The following MGAT4C variants were observed in gnomAD, a reference collection of about 807,000 sequenced individuals.
The protein encoded by MGAT4C is MGAT4 family member C.
A neutral mutation model predicts 40.1 loss-of-function variants in MGAT4C; 19 were observed. The observed-to-expected ratio is 0.47, with a 90% CI of 0.33 to 0.70. The LOEUF (loss-of-function observed/expected upper bound fraction) is 0.70, where lower values mean the gene tolerates loss of function less well. Among genes scored for constraint, MGAT4C ranks in the 30% least tolerant of loss-of-function variants. The probability of loss-of-function intolerance (pLI) is 0.02; values close to 1 mark genes in which losing one functional copy is unlikely to be tolerated. For missense variants in MGAT4C, 491 were observed against 563.2 expected, an observed-to-expected ratio of 0.87 and a Z score of 1.30; for synonymous variants, 181 against 187.1, an observed-to-expected ratio of 0.97 and a Z score of 0.27.
At chr12:86,798,246 T>A (rs113369221) in intron 1 of MGAT4C, among the ~76,000 whole-genome samples, 3,753 of 152,080 alleles carry the variant, frequency 0.025, 65 homozygotes, top group African/African-American at 0.057. Context: ...CATAATTTAC[T>A]CATTTTGTTT....
intron 3 of MGAT4C, among the ~76,000 whole-genome samples, chr12:86,365,197 T>G (rs1248289809): frequency 1.3e-5 from 2 of 152,180 alleles, no homozygotes; most frequent in African/African-American, 4.8e-5. Flanking sequence ...AGCAATATTT[T>G]TCCCATTTGC....
In MGAT4C at chr12:85,960,380, T is replaced by C. The variant is rs975727729; in HGVS notation, c.*18909A>G. The C allele has an allele frequency of 6.6e-6, 1 of 152,078 alleles. No homozygotes were observed. The highest frequency in any genetic ancestry group is 1.5e-5 in the Non-Finnish European group (1 of 67,926). 9.4% of individuals were successfully genotyped at this position (152,078 alleles called of 1,614,324 possible). ...AAGACAGAATTTCAAGTCTGAATTA[T>C]GACTTCACTACTGTGTCGTCATTGG... On this transcript the variant is annotated 3_prime_UTR_variant, in exon 5 of 5. Transcript: ENST00000611864.
At chr12:86,753,365 T>A (rs763213835) in intron 1 of MGAT4C, among the ~76,000 whole-genome samples, 79 of 152,164 alleles carry the variant, frequency 5.2e-4, no homozygotes, top group Non-Finnish European at 8.1e-4. Context: ...ATCCCTTCAT[T>A]TCCCTTAAGG....
At chr12:86,014,444 T>A (rs1592689767) in intron 2 of MGAT4C, among the ~76,000 whole-genome samples, 2 of 152,232 alleles carry the variant, frequency 1.3e-5, no homozygotes, top group African/African-American at 4.8e-5. Flanking sequence ...AAGGTAACAA[T>A]CCTGCCTTGC....
At position 86,040,738 on chromosome 12, in the gene MGAT4C, C is replaced by CA. The variant is rs80109444; in HGVS notation, c.-7+8935dup. ...GAGAAAAAACAAACAAACAAACAAA[C>CA]AAAAAAAAAACTCCTGCAGCTAGCT... On this transcript the variant is annotated intron_variant, in intron 2 of 4. Coordinates refer to ENST00000611864, the MANE Select transcript of MGAT4C (RefSeq NM_001351288.2). Among the ~76,000 whole-genome samples, 830 of 149,296 alleles carry CA rather than the reference C, an allele frequency of 5.6e-3. 4 individuals are homozygous for CA. The highest frequency in any genetic ancestry group is 0.013 in the African/African-American group (529 of 40,264).
chr12:86,610,458 G>A (rs778146813), intron 2 of MGAT4C, among the ~76,000 whole-genome samples: 53 of 152,028 alleles, frequency 3.5e-4, no homozygotes, highest in Admixed American at 2.1e-3. Context: ...GCCATCTGAT[G>A]AAAAGCCCTC....
intron 2 of MGAT4C, among the ~76,000 whole-genome samples, chr12:86,670,057 A>G (rs1246498212): frequency 6.6e-6 from 1 of 152,078 alleles, no homozygotes; most frequent in African/African-American, 2.4e-5. Flanking sequence ...AGAAAAAGAA[A>G]AAAAAACACC....
intron 2 of MGAT4C, among the ~76,000 whole-genome samples, chr12:86,043,400 G>C (rs1392154587): frequency 6.6e-6 from 1 of 152,148 alleles, no homozygotes; most frequent in African/African-American, 2.4e-5. Flanking sequence ...GTAGGCCCAA[G>C]AGTCTAAAAG....
At chr12:86,666,498 A>G (rs1013944506) in intron 2 of MGAT4C, among the ~76,000 whole-genome samples, 1 of 152,170 alleles carries the variant, frequency 6.6e-6, no homozygotes, top group East Asian at 1.9e-4. Context: ...TTGAAAAAAA[A>G]TGCAGAAAAA....
At chr12:86,060,298 T>G (rs935407140) in intron 1 of MGAT4C, among the ~76,000 whole-genome samples, 2 of 152,212 alleles carry the variant, frequency 1.3e-5, no homozygotes, top group Non-Finnish European at 2.9e-5. Flanking sequence ...TGTTTGTTTA[T>G]GTAAACAATA....
chr12:86,067,084 A>G (rs1894615977), intron 1 of MGAT4C, among the ~76,000 whole-genome samples: 1 of 152,228 alleles, frequency 6.6e-6, no homozygotes, highest in African/African-American at 2.4e-5. Flanking sequence ...ATATGGAGAA[A>G]TAGGAATGCT....
At chr12:86,378,412 A>C (rs568855198) in intron 3 of MGAT4C, among the ~76,000 whole-genome samples, 124 of 152,322 alleles carry the variant, frequency 8.1e-4, no homozygotes, top group African/African-American at 2.8e-3. Flanking sequence ...ATTCATAAGA[A>C]TCTCTAGACA....
At chr12:86,766,748 C>G (rs1951517148) in intron 1 of MGAT4C, among the ~76,000 whole-genome samples, 1 of 152,070 alleles carries the variant, frequency 6.6e-6, no homozygotes, top group African/African-American at 2.4e-5. Flanking sequence ...GGAAACTGAA[C>G]AACCTGCTCC....
At chr12:86,584,112 G>GTTTAAAACTCACTGATAATTCAGTGAA (rs1269767486) in intron 2 of MGAT4C, among the ~76,000 whole-genome samples, 26 of 150,896 alleles carry the variant, frequency 1.7e-4, no homozygotes, top group Non-Finnish European at 3.1e-4. Context: ...TTATCAGTGA[G>GTTTAAAACTCACTGATAATTCAGTGAA]TTTAAAACTC....
At chr12:86,109,099 C>T (rs17284338) in intron 1 of MGAT4C, among the ~76,000 whole-genome samples, 7,552 of 152,196 alleles carry the variant, frequency 0.05, 269 homozygotes, top group Non-Finnish European at 0.078. Context: ...TAAATCAGCA[C>T]TATTGATCAT....
intron 2 of MGAT4C, among the ~76,000 whole-genome samples, chr12:86,654,685 T>TA: frequency 6.6e-6 from 1 of 151,626 alleles, no homozygotes; most frequent in South Asian, 2.1e-4. Context: ...ATGTCATAGT[T>TA]ATATGATTTA....
rs528402895 is a variant in MGAT4C at position 86,086,806 on chromosome 12, C to T, written c.-56-37083G>A. 2.8e-4 allele frequency among the ~76,000 whole-genome samples: 43 copies of T among 152,052 alleles called. No homozygotes were observed. In the South Asian group the frequency reaches 2.9e-3, roughly 10 times the overall value. On this transcript the variant is annotated intron_variant, in intron 1 of 4. Coordinates refer to ENST00000611864, the MANE Select transcript of MGAT4C (RefSeq NM_001351288.2). ...TATTTTTGTATTCATTTGTCATACC[C>T]TCTTTACCCTCCTCTCCCATTACAT...
chr12:86,640,615 T>G (rs1963352680), intron 2 of MGAT4C, among the ~76,000 whole-genome samples: 1 of 152,062 alleles, frequency 6.6e-6, no homozygotes, highest in Admixed American at 6.6e-5. Context: ...AGTTCTACTC[T>G]GATTTTAGTT....
intron 2 of MGAT4C, among the ~76,000 whole-genome samples, chr12:86,594,770 A>G (rs935301956): frequency 1.3e-5 from 2 of 152,228 alleles, no homozygotes; most frequent in Non-Finnish European, 2.9e-5. Flanking sequence ...TATAGAAAAC[A>G]TAACTGAGAC....
Sources: gnomAD v4.1 joint callset for allele counts (sites outside exome capture counted in the v4.1 genomes callset) on GRCh38, gnomAD v4.1.1 for gene constraint, MANE v1.5 for transcripts, NCBI Gene and HGNC (gene_info 2026-07-23, HGNC 2026-07-21) for gene names.